Variants in MAPK6 observed in about 807,000 individuals in gnomAD.
MAPK6 encodes the protein mitogen-activated protein kinase 6.
A neutral mutation model predicts 59.3 loss-of-function variants in MAPK6; 19 were observed. The observed-to-expected ratio is 0.32, with a 90% CI of 0.22 to 0.47. The LOEUF (loss-of-function observed/expected upper bound fraction) is 0.47. MAPK6 is among the 20% of genes least tolerant of loss of function. MAPK6 has a pLI of 1.00. For synonymous variants in MAPK6, 316 were observed against 290.3 expected, an observed-to-expected ratio of 1.09 and a Z score of -0.90; for missense variants, 724 against 847.9, an observed-to-expected ratio of 0.85 and a Z score of 1.81.
intron 2 of MAPK6, among the ~76,000 whole-genome samples, chr15:51,985,782 C>G (rs1450846749): frequency 1.3e-5 from 2 of 151,946 alleles, no homozygotes; most frequent in East Asian, 1.9e-4. Context: ...CACGGTGAAA[C>G]CCCGTCTTTA....
At chr15:52,036,895 C>G (rs1046988437) in intron 1 of MAPK6, among the ~76,000 whole-genome samples, 1 of 151,576 alleles carries the variant, frequency 6.6e-6, no homozygotes, top group Non-Finnish European at 1.5e-5. Context: ...AATGGCTACT[C>G]CATAGGCAGG....
At chr15:52,052,554 G>C (rs1233421731) in intron 3 of MAPK6, among the ~76,000 whole-genome samples, 5 of 147,842 alleles carry the variant, frequency 3.4e-5, no homozygotes, top group Non-Finnish European at 6.1e-5. Flanking sequence ...ACCATTAGCA[G>C]TCACTTCTCA....
At chr15:52,058,916 ACTTAAGGTGTACGTAAAACTTCAACTCT>A in intron 4 of MAPK6, 119 bp downstream of exon 4, 1 of 716,878 alleles carries the variant, frequency 1.4e-6, no homozygotes, top group Non-Finnish European at 2.1e-6. Context: ...GTCTTTAGAC[ACTTAAGGTGTACGTAAAACTTCAACTCT>A]CATTTTCCCT....
intron 2 of MAPK6, among the ~76,000 whole-genome samples, chr15:51,998,299 A>G (rs2057231397): frequency 2.0e-5 from 3 of 149,180 alleles, no homozygotes; most frequent in Admixed American, 2.0e-4. Flanking sequence ...CCACCTCCCG[A>G]GTTCAAGTGA....
intron 3 of MAPK6, among the ~76,000 whole-genome samples, chr15:52,012,054 T>C (rs2030072070): frequency 6.6e-6 from 1 of 152,218 alleles, no homozygotes; most frequent in African/African-American, 2.4e-5. Flanking sequence ...TCCTGTCCAC[T>C]GTGGCTCAGT....
rs201058997 is a variant in MAPK6, at chr15:51,979,219, A to G, written c.-879-3987A>G. 4.6e-3 allele frequency among the ~76,000 whole-genome samples: 527 copies of G among 114,126 alleles called. 15 individuals carry two copies. The highest frequency in any genetic ancestry group is 0.038 in the Admixed American group (393 of 10,298). 74.9% of individuals were successfully genotyped at this position (114,126 alleles called of 152,430 possible). A position where few individuals can be genotyped will look rare whatever the true frequency, so the allele number is the denominator to read the frequency against. On this transcript the variant is annotated intron_variant, in intron 1 of 7. Transcript: ENST00000691380. ...GAGAAAGAAGGAAAGAAGAAAGAAA[A>G]AAAGAGAAAGAAAAGGAAGGAAGGA...
chr15:52,025,791 AAAAAAT>A (rs2030750567), intron 1 of MAPK6, among the ~76,000 whole-genome samples: 1 of 152,184 alleles, frequency 6.6e-6, no homozygotes, highest in Non-Finnish European at 1.5e-5. Context: ...ACGTCTCAAA[AAAAAAT>A]AAAAATAGTT....
chr15:52,011,623 G>A (rs1378783259), intron 3 of MAPK6, among the ~76,000 whole-genome samples: 1 of 152,222 alleles, frequency 6.6e-6, no homozygotes, highest in Non-Finnish European at 1.5e-5. Flanking sequence ...ACTGGCTGAT[G>A]AGAATGTTGT....
chr15:52,003,088 G>A (rs562856974), intron 2 of MAPK6, among the ~76,000 whole-genome samples: 1 of 152,198 alleles, frequency 6.6e-6, no homozygotes, highest in East Asian at 1.9e-4. Context: ...TCAGGAGGCT[G>A]AGGCAGGAGA....
chr15:52,032,764 A>C (rs1472260733), intron 1 of MAPK6, among the ~76,000 whole-genome samples: 2 of 152,060 alleles, frequency 1.3e-5, no homozygotes. Context: ...GGCTCACTGC[A>C]ACCTCCGCCT....
At chr15:52,006,100 TAAA>T (rs138590732) in intron 3 of MAPK6, among the ~76,000 whole-genome samples, 1 of 152,338 alleles carries the variant, frequency 6.6e-6, no homozygotes, top group Non-Finnish European at 1.5e-5. Context: ...TAAAGTCACT[TAAA>T]AGAAGATGAG....
At chr15:52,019,558 C>G (rs2030420362) in intron 1 of MAPK6, among the ~76,000 whole-genome samples, 182 bp downstream of exon 1, 1 of 146,200 alleles carries the variant, frequency 6.8e-6, no homozygotes, top group Non-Finnish European at 1.5e-5. Context: ...CCGCCCGCCC[C>G]CTGCTCGCCC....
Position 52,026,778 on chromosome 15 carries a change from G to A in MAPK6, c.-632+7402G>A, listed in dbSNP as rs564823314. ...TAGAAAATGCCTGTCATGGCTGGGC[G>A]CGATGGCTCATGCCTGTAATCTCAG... On this transcript the variant is annotated intron_variant, in intron 1 of 5. Transcript: ENST00000261845. 7.9e-5 allele frequency among the ~76,000 whole-genome samples: 12 copies of A among 152,160 alleles called. No individual in the cohort carries two copies. The South Asian group carries it at 1.7e-3, about 21-fold the overall frequency.
intron 4 of MAPK6, among the ~76,000 whole-genome samples, chr15:52,060,460 A>G (rs1045570750): frequency 5.9e-5 from 9 of 152,204 alleles, no homozygotes; most frequent in Non-Finnish European, 1.3e-4. Context: ...AAAGGTCACA[A>G]TGAAATTGTT....
At chr15:52,022,317 G>C (rs1370714356) in intron 1 of MAPK6, among the ~76,000 whole-genome samples, 2 of 152,194 alleles carry the variant, frequency 1.3e-5, no homozygotes, top group Non-Finnish European at 2.9e-5. Flanking sequence ...CTGGAGTGTA[G>C]TGGTGCGATC....
intron 1 of MAPK6, among the ~76,000 whole-genome samples, chr15:51,976,266 CAA>C (rs774556505): frequency 3.5e-4 from 16 of 45,178 alleles, no homozygotes; most frequent in East Asian, 9.6e-4. Context: ...ACTCCCATCT[CAA>C]AAAAAAAAAA....
chr15:52,014,448 T>A (rs894060243), upstream of MAPK6, among the ~76,000 whole-genome samples: 15 of 152,164 alleles, frequency 9.9e-5, no homozygotes, highest in African/African-American at 3.6e-4. Context: ...CGGTGGCTCA[T>A]CCCTGTAATC....
chr15:52,005,895 C>G (rs2057257298), intron 3 of MAPK6, among the ~76,000 whole-genome samples: 2 of 152,100 alleles, frequency 1.3e-5, no homozygotes, highest in South Asian at 4.1e-4. Flanking sequence ...ACTTGTCTTA[C>G]TTAAAACTGT....
chr15:52,050,142 G>A lies in MAPK6; in HGVS notation c.700+5G>A. 1 of 1,592,454 alleles carries A rather than the reference G, an allele frequency of 6.3e-7. No individual in the cohort carries two copies. ...CTGGTAAAACCCTTTTTGCAGGTTA[G>A]TATTTTGTGGGGGGAAAAATTTTCC... is the stretch of plus-strand genomic sequence containing the variant. On this transcript the variant is annotated splice_donor_5th_base_variant and intron_variant, in intron 3 of 5. Coordinates refer to ENST00000261845, the MANE Select transcript of MAPK6 (RefSeq NM_002748.4).
Sources: gnomAD v4.1 joint callset for allele counts (sites outside exome capture counted in the v4.1 genomes callset) on GRCh38, gnomAD v4.1.1 for gene constraint, MANE v1.5 for transcripts, NCBI Gene and HGNC (gene_info 2026-07-23, HGNC 2026-07-21) for gene names.